TRAF5: variants seen among roughly 807,000 people sequenced by gnomAD.
The protein encoded by TRAF5 is TNF receptor-associated factor 5.
TRAF5 carries 48 observed loss-of-function variants against 64.5 expected under a neutral mutation model. The ratio of observed to expected loss-of-function variants is 0.74; its 90% CI spans 0.59 to 0.95. The LOEUF is 0.95. TRAF5 is among the 40% of genes least tolerant of loss of function. The pLI is 0.00. For missense variants in TRAF5, 545 were observed against 662.8 expected, an observed-to-expected ratio of 0.82 and a Z score of 1.95; for synonymous variants, 206 against 240.5, an observed-to-expected ratio of 0.86 and a Z score of 1.33.
At chr1:211,365,154 C>G (rs1703309354) in intron 7 of TRAF5, among the ~76,000 whole-genome samples, 3 of 151,576 alleles carry the variant, frequency 2.0e-5, no homozygotes, top group Admixed American at 2.0e-4. Context: ...GCCTGGGCAA[C>G]AGAGCAGGCT....
intron 1 of TRAF5, among the ~76,000 whole-genome samples, chr1:211,330,699 C>T (rs1056495095): frequency 1.8e-4 from 27 of 152,200 alleles, no homozygotes; most frequent in African/African-American, 6.5e-4. Context: ...TGGTACTCCT[C>T]AGTCACCAGC....
intron 1 of TRAF5, among the ~76,000 whole-genome samples, chr1:211,342,451 A>G (rs1273920533): frequency 6.6e-6 from 1 of 152,152 alleles, no homozygotes; most frequent in South Asian, 2.1e-4. Context: ...TAAATGGGGT[A>G]TCCATTATCT....
At chr1:211,346,394 G>A (rs1702607775) in intron 1 of TRAF5, 2 of 985,408 alleles carry the variant, frequency 2.0e-6, no homozygotes, top group East Asian at 1.1e-4. Context: ...AGTGGGCTGT[G>A]GGGTGTCCTG....
intron 1 of TRAF5, among the ~76,000 whole-genome samples, chr1:211,349,034 TAAAAAAAAAAA>T (rs373131975): frequency 2.4e-5 from 2 of 84,676 alleles, no homozygotes; most frequent in Non-Finnish European, 4.3e-5. Flanking sequence ...ACTCTGTCTC[TAAAAAAAAAAA>T]AAAAAAAAAA....
At chr1:211,327,364 A>G (rs1242220015) in intron 1 of TRAF5, among the ~76,000 whole-genome samples, 2 of 152,182 alleles carry the variant, frequency 1.3e-5, no homozygotes, top group Non-Finnish European at 2.9e-5. Flanking sequence ...GGGCTTTCCA[A>G]TCAAAGCAAC....
At chr1:211,340,946 C>T (rs1046123715) in intron 1 of TRAF5, among the ~76,000 whole-genome samples, 6 of 152,196 alleles carry the variant, frequency 3.9e-5, no homozygotes, top group Non-Finnish European at 8.8e-5. Context: ...GTCACCCCCA[C>T]GACCTGGTGC....
At chr1:211,337,105 A>G (rs1325153037) in intron 1 of TRAF5, among the ~76,000 whole-genome samples, 2 of 152,246 alleles carry the variant, frequency 1.3e-5, no homozygotes, top group South Asian at 2.1e-4. Context: ...CTTATATTCT[A>G]TTCTGATAGG....
At chr1:211,335,600 G>T (rs149345244) in intron 1 of TRAF5, among the ~76,000 whole-genome samples, 1,860 of 152,224 alleles carry the variant, frequency 0.012, 16 homozygotes, top group Middle Eastern at 0.071. Context: ...TGTCATAAGT[G>T]GGGGGGACCC....
At chr1:211,353,678 T>C (rs2102744058) in intron 2 of TRAF5, 1 of 566,686 alleles carries the variant, frequency 1.8e-6, no homozygotes, top group East Asian at 3.0e-5. Context: ...AAATTCAGAC[T>C]GTACCTGCTT....
intron 1 of TRAF5, among the ~76,000 whole-genome samples, chr1:211,327,615 G>A (rs180852400): frequency 4.1e-4 from 62 of 152,310 alleles, no homozygotes; most frequent in Non-Finnish European, 6.8e-4. Context: ...GGTCTTGGTG[G>A]TTCTGAGAAT....
intron 1 of TRAF5, among the ~76,000 whole-genome samples, chr1:211,344,266 G>A (rs1304031098): frequency 6.6e-6 from 1 of 152,148 alleles, no homozygotes; most frequent in Non-Finnish European, 1.5e-5. Flanking sequence ...AGGAGAATGG[G>A]GAACCAGAGG....
Position 211,360,263 on chromosome 1 carries a change from C to T in TRAF5, c.543+187C>T, listed in dbSNP as rs542453301. The T allele has an allele frequency of 4.6e-4, 280 of 608,740 alleles. 4 individuals carry two copies. The highest frequency in any genetic ancestry group is 2.5e-3 in the South Asian group (124 of 48,900). 37.7% of individuals were successfully genotyped at this position (608,740 alleles called of 1,614,324 possible). A position where few individuals can be genotyped will look rare whatever the true frequency, so the allele number is the denominator to read the frequency against. ...TAAAACCTTCTTGTTGGTAGCACTC[C>T]ATTTATTATTGGCAAAAATATTATT... On this transcript the variant is annotated intron_variant, in intron 5 of 10. Coordinates refer to ENST00000261464, the MANE Select transcript of TRAF5 (RefSeq NM_001033910.3).
chr1:211,354,625 C>T (rs777261943), intron 3 of TRAF5, among the ~76,000 whole-genome samples, 158 bp downstream of exon 3: 4 of 152,062 alleles, frequency 2.6e-5, no homozygotes, highest in Non-Finnish European at 5.9e-5. Flanking sequence ...TACTCGTAGC[C>T]CTGTTTGAGA....
chr1:211,371,449 G>T lies in TRAF5; in HGVS notation c.1078G>T (p.Glu360Ter). Residue 360 changes from glutamate (E) to a stop codon, truncating the protein, a stop_gained, in exon 10 of 11, where the codon GAA becomes TAA. Transcript: ENST00000261464. LOFTEE classifies it high-confidence loss of function. ...DTVKQKITLLENNDQRLAVLE... is the reference protein window; with the variant it reads ...DTVKQKITLL ...AGTGAAACAGAAAATTACCCTGCTA[G>T]AAAACAATGATCAAAGATTAGGTAT... is the stretch of plus-strand genomic sequence containing the variant. 6.2e-7 allele frequency: 1 copy of T among 1,607,244 alleles called. No homozygotes were observed. Among genetic ancestry groups the T allele is most frequent in the Non-Finnish European group, 8.5e-7 (1 of 1,178,570 alleles).
At position 211,373,233 on chromosome 1, in the gene TRAF5, AAT is replaced by A. The variant is rs1703594774; in HGVS notation, c.*532_*533del. 1 of 152,350 alleles carries A rather than the reference AAT, an allele frequency of 6.6e-6. No homozygotes were observed. The highest frequency in any genetic ancestry group is 1.5e-5 in the Non-Finnish European group (1 of 68,202). The allele number at this position is 152,350 out of a possible 1,614,324, so 9.4% of individuals were successfully genotyped here. ...TTCAGTTAAATGCTAAATATATGAA[AAT>A]TACTATACCTCTAAGTATTTTCATG... On this transcript the variant is annotated 3_prime_UTR_variant, in exon 11 of 11. Coordinates refer to ENST00000261464, the MANE Select transcript of TRAF5 (RefSeq NM_001033910.3).
intron 1 of TRAF5, among the ~76,000 whole-genome samples, chr1:211,332,593 C>A (rs929900845): frequency 5.9e-5 from 9 of 152,298 alleles, no homozygotes; most frequent in African/African-American, 2.2e-4. Context: ...GAAAACTTAC[C>A]ATGCCTCCCT....
Position 211,365,358 on chromosome 1 carries a change from T to C in TRAF5, c.697-18T>C. The C allele has an allele frequency of 1.9e-6, 3 of 1,607,912 alleles. No individual in the cohort carries two copies. The highest frequency in any genetic ancestry group is 1.7e-4 in the Middle Eastern group (1 of 6,028). On this transcript the variant is annotated intron_variant, in intron 7 of 10. Transcript: ENST00000261464. ...GAGCCTCTCAGCAACCTGACTTATT[T>C]TTCTCTTCATATTGAAGGATAAACG...
chr1:211,335,992 T>C (rs1702280677), intron 1 of TRAF5, among the ~76,000 whole-genome samples: 1 of 151,932 alleles, frequency 6.6e-6, no homozygotes, highest in African/African-American at 2.4e-5. Context: ...TTTTTTGCTG[T>C]GCAGTAAGGA....
chr1:211,368,662 A>C (rs908813636), intron 8 of TRAF5, among the ~76,000 whole-genome samples: 1 of 152,232 alleles, frequency 6.6e-6, no homozygotes, highest in Non-Finnish European at 1.5e-5. Flanking sequence ...CAACTGTTGC[A>C]GATTGAATGG....
Sources: allele counts gnomAD v4.1 joint callset (sites outside exome capture counted in the v4.1 genomes callset), GRCh38; gene constraint gnomAD v4.1.1; transcripts MANE v1.5; gene names NCBI Gene and HGNC (gene_info 2026-07-23, HGNC 2026-07-21).